NRDE2: variants seen among roughly 807,000 people sequenced by gnomAD.
The protein encoded by NRDE2 is NRDE-2, necessary for RNA interference, domain containing.
Under a neutral mutation model 124.2 loss-of-function variants are expected in NRDE2, and 76 were observed. The observed-to-expected ratio is 0.61, with a 90% CI of 0.51 to 0.74. The LOEUF (loss-of-function observed/expected upper bound fraction) is 0.74. Ranked by LOEUF, NRDE2 falls within the 30% of genes least tolerant of loss-of-function variation. NRDE2 has a pLI of 0.00. For synonymous variants in NRDE2, 489 were observed against 528.1 expected, an observed-to-expected ratio of 0.93 and a Z score of 1.01; for missense variants, 1,314 against 1,417.3, an observed-to-expected ratio of 0.93 and a Z score of 1.17.
intron 1 of NRDE2, among the ~76,000 whole-genome samples, chr14:90,318,651 T>G (rs1566700611): frequency 6.6e-6 from 1 of 151,992 alleles, no homozygotes; most frequent in Non-Finnish European, 1.5e-5. Flanking sequence ...AATAAAAAAA[T>G]TAGCCGGGTG....
intron 1 of NRDE2, among the ~76,000 whole-genome samples, chr14:90,325,254 T>C (rs1190133226): frequency 6.6e-6 from 1 of 152,218 alleles, no homozygotes; most frequent in Non-Finnish European, 1.5e-5. Flanking sequence ...TCATATAATA[T>C]GAAGATTAAA....
intron 4 of NRDE2, 72 bp downstream of exon 4, chr14:90,312,322 G>T: frequency 1.4e-6 from 2 of 1,455,026 alleles, no homozygotes; most frequent in Non-Finnish European, 9.6e-7. Flanking sequence ...CAGGCAGACA[G>T]TGCCAAGAGA....
chr14:90,303,217 G>C (rs1449232824), intron 5 of NRDE2, 92 bp from the exon 6 acceptor site: 2 of 1,235,578 alleles, frequency 1.6e-6, no homozygotes, highest in Non-Finnish European at 2.2e-6. Context: ...CCACCCCCTA[G>C]GGACTTTCTT....
intron 1 of NRDE2, among the ~76,000 whole-genome samples, chr14:90,321,619 G>A (rs1180398120): frequency 6.6e-6 from 1 of 151,462 alleles, no homozygotes; most frequent in Non-Finnish European, 1.5e-5. Flanking sequence ...GAATCATCAT[G>A]GATCCTCTGT....
rs1416752090 is a variant in NRDE2 at position 90,269,956 on chromosome 14, CTCCTT to C, written c.*8375_*8379del. On this transcript the variant is annotated 3_prime_UTR_variant, in exon 14 of 14. Transcript: ENST00000354366. ...TCTGCCCAGTTTCACTCAGGAATTG[CTCCTT>C]TCATTTATTTCTGAAGGTACCAAAG... The C allele has an allele frequency of 2.1e-6, 1 of 482,406 alleles. No homozygotes were observed. Among genetic ancestry groups the C allele is most frequent in the African/African-American group, 1.9e-5 (1 of 51,704 alleles). 29.9% of individuals were successfully genotyped at this position (482,406 alleles called of 1,614,324 possible).
intron 3 of NRDE2, among the ~76,000 whole-genome samples, chr14:90,314,505 G>C (rs778580414): frequency 5.9e-5 from 9 of 152,284 alleles, no homozygotes; most frequent in Admixed American, 3.3e-4. Context: ...AAGATTCCCT[G>C]ACATGATTAA....
At chr14:90,316,959 C>T (rs1885070544) in intron 2 of NRDE2, 148 bp from the exon 3 acceptor site, 1 of 611,732 alleles carries the variant, frequency 1.6e-6, no homozygotes, top group Non-Finnish European at 2.8e-6. Context: ...CAGTAACTTA[C>T]TGGATTACAC....
intron 2 of NRDE2, 161 bp downstream of exon 2, chr14:90,317,844 G>T (rs1885100628): frequency 3.8e-6 from 2 of 520,496 alleles, no homozygotes; most frequent in Non-Finnish European, 6.7e-6. Flanking sequence ...AAAAAAAAAA[G>T]AATACAAGAG....
chr14:90,311,772 T>TA (rs564545559), intron 4 of NRDE2, among the ~76,000 whole-genome samples: 79 of 147,950 alleles, frequency 5.3e-4, no homozygotes, highest in East Asian at 1.6e-3. Flanking sequence ...GCTGATGAGT[T>TA]AAAAAAAAAA....
Position 90,316,722 on chromosome 14 carries a change from T to C in NRDE2, c.263A>G (p.Lys88Arg). ...TSRKKKKEKK[K>R]KRKHQHHKKT... The stretch of plus-strand genomic sequence containing the variant: ...CTTATGATGCTGATGCTTCCTTTTT[T>C]TCTTTTTCTCTTTCTTCTTTTTTCT... The change falls in exon 3 of 14, where the codon AAA (lysine) becomes AGA (arginine). Residue 88 changes from lysine (K) to arginine (R), a missense_variant. Coordinates refer to ENST00000354366, the MANE Select transcript of NRDE2 (RefSeq NM_017970.4). 6.2e-7 allele frequency: 1 copy of C among 1,613,838 alleles called. No individual in the cohort carries two copies.
At chr14:90,317,860 G>A (rs1885101470) in intron 2 of NRDE2, 145 bp downstream of exon 2, 4 of 577,810 alleles carry the variant, frequency 6.9e-6, no homozygotes, top group Middle Eastern at 7.7e-4. Context: ...AAGAGGTAAG[G>A]GAAAATAGTC....
In NRDE2 at chr14:90,303,942, G is replaced by A; in HGVS notation, c.998C>T (p.Ala333Val). The change falls in exon 5 of 14, where the codon GCT (alanine) becomes GTT (valine). Residue 333 changes from alanine (A) to valine (V), a missense_variant. Transcript: ENST00000354366. ...RDTQLWMAFV[A>V]FQDEVMKSPG... Reference sequence around the variant, plus strand: ...TGGGATGGCAACACATACCTGAAAAGCAACAAATGCCATCCACAGCTGCGT... The same window carrying A: ...TGGGATGGCAACACATACCTGAAAAACAACAAATGCCATCCACAGCTGCGT... 6.2e-7 allele frequency: 1 copy of A among 1,602,592 alleles called. No individual in the cohort carries two copies. Among genetic ancestry groups the A allele is most frequent in the African/African-American group, 1.3e-5 (1 of 74,856 alleles).
Position 90,316,762 on chromosome 14 carries a change from G to A in NRDE2, c.223C>T (p.Leu75Phe), listed in dbSNP as rs1885064562. ...SSDESDTNKK[L>F]KQTSRKKKKE... is the part of the protein sequence containing the mutation. ...TTCTTTTTTCTACTTGTTTGTTTGA[G>A]CTTTTTGTTAGTGTCACTTTCATCT... The change falls in exon 3 of 14, where the codon CTC becomes TTC. Residue 75 changes from leucine (L) to phenylalanine (F), a missense_variant. Leu to Phe is a conservative substitution (Grantham distance 22). Transcript: ENST00000354366. 1.2e-6 allele frequency: 2 copies of A among 1,612,032 alleles called. No individual in the cohort carries two copies. Among genetic ancestry groups the A allele is most frequent in the Non-Finnish European group, 1.7e-6 (2 of 1,179,410 alleles).
chr14:90,319,737 C>T (rs765472476), intron 1 of NRDE2, among the ~76,000 whole-genome samples: 33 of 152,142 alleles, frequency 2.2e-4, no homozygotes, highest in Admixed American at 5.2e-4. Context: ...AGTTGATGAA[C>T]ACTTGGGTTA....
intron 1 of NRDE2, among the ~76,000 whole-genome samples, chr14:90,318,743 G>A (rs1885140470): frequency 6.6e-6 from 1 of 152,152 alleles, no homozygotes; most frequent in Admixed American, 6.5e-5. Context: ...AGGTTGCAGT[G>A]AGCCGGTATC....
At chr14:90,301,404 T>A (rs778881940) in intron 6 of NRDE2, 32 bp from the exon 7 acceptor site, 1 of 1,609,388 alleles carries the variant, frequency 6.2e-7, no homozygotes, top group East Asian at 2.2e-5. Context: ...GGAAGAAGCC[T>A]GGTTGATACC....
In NRDE2 at chr14:90,288,352, T is replaced by C; in HGVS notation, c.3023A>G (p.Gln1008Arg). The C allele has an allele frequency of 1.2e-6, 2 of 1,614,206 alleles. No homozygotes were observed. The highest frequency in any genetic ancestry group is 1.7e-6 in the Non-Finnish European group (2 of 1,180,034). Residue 1008 changes from glutamine to arginine, a missense_variant, in exon 11 of 14, where the codon CAG (glutamine) becomes CGG (arginine). Transcript: ENST00000354366. ...QVLWRSYVQIQNKSHSASKTR... is the reference protein window; with the variant it reads ...QVLWRSYVQIRNKSHSASKTR... ...TTTGCTGGCACTGTGGGACTTATTC[T>C]GAATCTGTACATAGGACCTCCAAAG...
intron 1 of NRDE2, among the ~76,000 whole-genome samples, chr14:90,330,661 A>C (rs1885653528): frequency 1.3e-5 from 2 of 152,120 alleles, no homozygotes; most frequent in South Asian, 2.1e-4. Context: ...ATATTAAAAA[A>C]AATTAGCCAG....
In NRDE2 at chr14:90,276,966, G is replaced by A. The variant is rs1003806505; in HGVS notation, c.*1370C>T. On this transcript the variant is annotated 3_prime_UTR_variant, in exon 14 of 14. Coordinates refer to ENST00000354366, the MANE Select transcript of NRDE2 (RefSeq NM_017970.4). ...TCTTTGTGGGCAGCCAGGAACTCAT[G>A]ACAGTTCAAGCCAGTTAGCTCTCAG... The A allele has an allele frequency of 6.6e-6, 1 of 152,252 alleles. No individual in the cohort carries two copies. The highest frequency in any genetic ancestry group is 2.4e-5 in the African/African-American group (1 of 41,452). 9.4% of individuals were successfully genotyped at this position (152,252 alleles called of 1,614,324 possible).
Sources: allele counts gnomAD v4.1 joint callset (sites outside exome capture counted in the v4.1 genomes callset), GRCh38; gene constraint gnomAD v4.1.1; transcripts MANE v1.5; gene names NCBI Gene and HGNC (gene_info 2026-07-23, HGNC 2026-07-21).